Variants in CAB39L observed in about 807,000 individuals in gnomAD.
CAB39L encodes the protein calcium binding protein 39 like, also known as calcium-binding protein 39-like.
CAB39L carries 23 observed loss-of-function variants against 39.1 expected under a neutral mutation model. That is an observed-to-expected ratio of 0.59 (90% confidence interval 0.42 to 0.83). CAB39L has a LOEUF of 0.83. Among genes scored for constraint, CAB39L ranks in the 40% least tolerant of loss-of-function variants. The pLI, the probability that CAB39L is intolerant of heterozygous loss-of-function variation, is 0.00. For synonymous variants in CAB39L, 126 were observed against 137.2 expected, an observed-to-expected ratio of 0.92 and a Z score of 0.57; for missense variants, 366 against 391.9, an observed-to-expected ratio of 0.93 and a Z score of 0.56.
rs1953955053 is a variant in CAB39L, at chr13:49,310,592, T to G, written c.*222A>C. On this transcript the variant is annotated 3_prime_UTR_variant, in exon 11 of 11. Coordinates refer to ENST00000409308, the MANE Select transcript of CAB39L (RefSeq NM_001079670.3). ...CTTTTATCAACATCTGATACAATGG[T>G]TCTCATTTCACATAAATAATCACAG... 1 of 440,692 alleles carries G rather than the reference T, an allele frequency of 2.3e-6. No individual in the cohort carries two copies. Among genetic ancestry groups the G allele is most frequent in the Non-Finnish European group, 4.0e-6 (1 of 248,768 alleles). The allele number at this position is 440,692 out of a possible 1,614,324, so 27.3% of individuals were successfully genotyped here.
intron 5 of CAB39L, among the ~76,000 whole-genome samples, chr13:49,370,582 A>G (rs55969417): frequency 0.012 from 1,891 of 152,298 alleles, 51 homozygotes; most frequent in African/African-American, 0.044. Flanking sequence ...CATATCACCC[A>G]AAATGGTTGT....
intron 4 of CAB39L, among the ~76,000 whole-genome samples, chr13:49,378,274 A>G (rs1410354572): frequency 5.6e-5 from 4 of 71,110 alleles, no homozygotes; most frequent in African/African-American, 1.7e-4. Context: ...GGGGGGGTCA[A>G]CCCCCCGCCC....
rs1419638272 is a variant in CAB39L at position 49,311,089 on chromosome 13, G to A, written c.835-96C>T. On this transcript the variant is annotated intron_variant, in intron 10 of 10. Transcript: ENST00000409308. ...CAGGGACCTCACCCACACTACTCGC[G>A]TTTCATGCGTGACTGATATTATTAA... 16 of 993,738 alleles carry A rather than the reference G, an allele frequency of 1.6e-5. 1 individual carries two copies. Among genetic ancestry groups the A allele is most frequent in the East Asian group, 1.2e-4 (5 of 41,818 alleles). The allele number at this position is 993,738 out of a possible 1,614,324, so 61.6% of individuals were successfully genotyped here.
intron 3 of CAB39L, among the ~76,000 whole-genome samples, chr13:49,394,413 A>G (rs1371675881): frequency 6.6e-6 from 1 of 152,086 alleles, no homozygotes; most frequent in Non-Finnish European, 1.5e-5. Flanking sequence ...GTATTTTGCA[A>G]CAGGCTCTCA....
chr13:49,368,604 C>T (rs1955832296), intron 5 of CAB39L, among the ~76,000 whole-genome samples: 1 of 152,156 alleles, frequency 6.6e-6, no homozygotes, highest in African/African-American at 2.4e-5. Context: ...CCAGAAATGG[C>T]CCAAAATGCC....
chr13:49,332,765 A>T (rs1240154895), intron 9 of CAB39L, among the ~76,000 whole-genome samples: 2 of 151,904 alleles, frequency 1.3e-5, no homozygotes, highest in African/African-American at 2.4e-5. Flanking sequence ...TTGTTGCTCT[A>T]TCTTAGAAAC....
At chr13:49,374,082 T>C (rs1257654031) in intron 5 of CAB39L, among the ~76,000 whole-genome samples, 2 of 152,354 alleles carry the variant, frequency 1.3e-5, no homozygotes, top group African/African-American at 4.8e-5. Flanking sequence ...CATTCATTCA[T>C]TTATTCATTC....
intron 3 of CAB39L, among the ~76,000 whole-genome samples, chr13:49,406,906 T>C (rs1181624960): frequency 6.6e-6 from 1 of 152,212 alleles, no homozygotes; most frequent in Non-Finnish European, 1.5e-5. Flanking sequence ...GTTTAAAGAA[T>C]TCTTTGCCGT....
chr13:49,362,818 C>T (rs1229579990), intron 5 of CAB39L, among the ~76,000 whole-genome samples: 1 of 151,818 alleles, frequency 6.6e-6, no homozygotes, highest in Admixed American at 6.6e-5. Context: ...AAACTCCCAA[C>T]ATCAAAGAAA....
At chr13:49,406,863 C>T (rs1294756672) in intron 3 of CAB39L, among the ~76,000 whole-genome samples, 1 of 151,972 alleles carries the variant, frequency 6.6e-6, no homozygotes, top group African/African-American at 2.4e-5. Context: ...AATAACAGTA[C>T]CAAAATTACT....
At chr13:49,395,070 C>T (rs1452628976) in intron 3 of CAB39L, among the ~76,000 whole-genome samples, 1 of 152,014 alleles carries the variant, frequency 6.6e-6, no homozygotes, top group Non-Finnish European at 1.5e-5. Flanking sequence ...TGCTTAATTT[C>T]CTTCTTTCTT....
rs8002829 is a variant in CAB39L, at chr13:49,377,006, T to C, written c.237A>G (p.Leu79=). ...LAQELYSSGL[L]VTLIADLQLI... The stretch of plus-strand genomic sequence containing the variant: ...GCTGCAGGTCAGCTATCAGTGTCAC[T>C]AGCAGGCCACTGCTGTAGAGTTCTT... The change falls in exon 5 of 11, where the codon CTA becomes CTG. Residue 79 remains leucine (L), a synonymous_variant. Coordinates refer to ENST00000409308, the MANE Select transcript of CAB39L (RefSeq NM_001079670.3). 813,659 of 1,607,542 alleles carry C rather than the reference T, an allele frequency of 0.51. 213,464 individuals carry two copies. The highest frequency in any genetic ancestry group is 0.73 in the African/African-American group (54,690 of 74,760).
intron 3 of CAB39L, among the ~76,000 whole-genome samples, chr13:49,407,852 A>AC (rs1956912940): frequency 9.1e-6 from 1 of 109,326 alleles, no homozygotes; most frequent in East Asian, 2.3e-4. Flanking sequence ...ACATAGCAAG[A>AC]CCCCGTCTCA....
intron 3 of CAB39L, chr13:49,413,922 A>C (rs9316448): frequency 0.49 from 74,701 of 151,902 alleles, 18,387 homozygotes; most frequent in South Asian, 0.59. Flanking sequence ...TTTAAACTCT[A>C]TCTCTTCTAG....
intron 7 of CAB39L, 46 bp downstream of exon 7, chr13:49,350,698 C>G (rs1955319316): frequency 2.8e-6 from 4 of 1,413,644 alleles, no homozygotes; most frequent in Non-Finnish European, 3.8e-6. Flanking sequence ...CTTCAGGGGC[C>G]AAGTGACTAT....
At chr13:49,369,454 G>T (rs1367159433) in intron 5 of CAB39L, among the ~76,000 whole-genome samples, 5 of 152,198 alleles carry the variant, frequency 3.3e-5, no homozygotes, top group Non-Finnish European at 7.3e-5. Flanking sequence ...CAGAAGCCAG[G>T]CTCAAAAGGC....
At chr13:49,393,093 CATAA>C (rs1379453085) in intron 3 of CAB39L, 6 of 151,928 alleles carry the variant, frequency 3.9e-5, no homozygotes, top group Non-Finnish European at 7.4e-5. Context: ...AAATATAAAA[CATAA>C]ATAAATGCTA....
At chr13:49,340,634 G>A (rs768419637) in intron 8 of CAB39L, among the ~76,000 whole-genome samples, 9 of 152,212 alleles carry the variant, frequency 5.9e-5, no homozygotes, top group Non-Finnish European at 1.3e-4. Context: ...ATTCTATCCT[G>A]AAACACAAGG....
At chr13:49,360,182 A>G (rs923968224) in intron 5 of CAB39L, among the ~76,000 whole-genome samples, 1 of 152,212 alleles carries the variant, frequency 6.6e-6, no homozygotes, top group African/African-American at 2.4e-5. Flanking sequence ...TATGATTATC[A>G]TTTTTAAACC....
Sources: gnomAD v4.1 joint callset for allele counts (sites outside exome capture counted in the v4.1 genomes callset) on GRCh38, gnomAD v4.1.1 for gene constraint, MANE v1.5 for transcripts, NCBI Gene and HGNC (gene_info 2026-07-23, HGNC 2026-07-21) for gene names.